The following ARHGAP25 variants were observed in gnomAD, a reference collection of about 807,000 sequenced individuals.
ARHGAP25 encodes rho GTPase-activating protein 25.
ARHGAP25 carries 34 observed loss-of-function variants against 71.0 expected under a neutral mutation model. The observed-to-expected ratio is 0.48, with a 90% CI of 0.36 to 0.64. The LOEUF is 0.64. Ranked by LOEUF, ARHGAP25 falls within the 30% of genes least tolerant of loss-of-function variation. The pLI is 0.00. For missense variants in ARHGAP25, 706 were observed against 805.1 expected, an observed-to-expected ratio of 0.88 and a Z score of 1.49; for synonymous variants, 282 against 296.5, an observed-to-expected ratio of 0.95 and a Z score of 0.50.
chr2:68,727,153 G>A (rs942388844), intron 2 of ARHGAP25, among the ~76,000 whole-genome samples: 1 of 152,154 alleles, frequency 6.6e-6, no homozygotes, highest in Non-Finnish European at 1.5e-5. Context: ...TGCTAAAAGC[G>A]TGGTTACTGG....
At chr2:68,814,937 T>C (rs1253477601) in intron 6 of ARHGAP25, among the ~76,000 whole-genome samples, 1 of 152,258 alleles carries the variant, frequency 6.6e-6, no homozygotes, top group African/African-American at 2.4e-5. Flanking sequence ...CTTATACTGG[T>C]ATATCTGCTC....
intron 9 of ARHGAP25, among the ~76,000 whole-genome samples, chr2:68,821,092 C>CTTTTTTTTTTTTTTT (rs34119311): frequency 7.1e-4 from 71 of 99,424 alleles, no homozygotes; most frequent in Non-Finnish European, 8.2e-4. Context: ...CTTTTTCTTT[C>CTTTTTTTTTTTTTTT]TTTTTTTTTT....
intron 1 of ARHGAP25, among the ~76,000 whole-genome samples, chr2:68,753,967 A>G (rs531756104): frequency 2.6e-4 from 39 of 151,396 alleles, no homozygotes; most frequent in Admixed American, 1.1e-3. Context: ...CAGTGGCCCA[A>G]TCTCGGCTCA....
upstream of ARHGAP25, among the ~76,000 whole-genome samples, chr2:68,731,943 A>G (rs1055267365): frequency 5.9e-5 from 9 of 152,088 alleles, no homozygotes; most frequent in African/African-American, 2.2e-4. Context: ...TGAGGTGGGG[A>G]AGCAGAAAAC....
intron 2 of ARHGAP25, among the ~76,000 whole-genome samples, chr2:68,714,918 C>A (rs778413756): frequency 7.2e-5 from 11 of 152,106 alleles, no homozygotes; most frequent in Non-Finnish European, 1.6e-4. Context: ...GGGCATATGA[C>A]AATAATAAAA....
At chr2:68,735,340 A>G (rs1675158009) in intron 1 of ARHGAP25, 80 bp downstream of exon 1, 1 of 1,412,304 alleles carries the variant, frequency 7.1e-7, no homozygotes, top group Non-Finnish European at 1.0e-6. Context: ...TGCAGGGAGC[A>G]TAGTCTACTT....
intron 2 of ARHGAP25, among the ~76,000 whole-genome samples, chr2:68,778,468 T>C (rs1678080730): frequency 2.0e-5 from 3 of 152,228 alleles, no homozygotes; most frequent in Non-Finnish European, 2.9e-5. Context: ...CAATTTCTAA[T>C]GTCTCTTTAA....
chr2:68,731,881 T>G (rs78138224), upstream of ARHGAP25, among the ~76,000 whole-genome samples: 4 of 152,214 alleles, frequency 2.6e-5, no homozygotes, highest in African/African-American at 9.6e-5. Context: ...GTTCACTTAA[T>G]TGTTCTTCTC....
intron 4 of ARHGAP25, among the ~76,000 whole-genome samples, chr2:68,791,027 C>T (rs1384902667): frequency 6.6e-6 from 1 of 152,190 alleles, no homozygotes; most frequent in Non-Finnish European, 1.5e-5. Context: ...GTTTCCTTCG[C>T]TGGGAATCCT....
upstream of ARHGAP25, among the ~76,000 whole-genome samples, chr2:68,732,219 C>T (rs1345159037): frequency 3.3e-5 from 5 of 152,164 alleles, no homozygotes; most frequent in East Asian, 9.6e-4. Context: ...GGGGAGTGTG[C>T]TTTCCATCTG....
At chr2:68,753,729 G>C (rs530811400) in intron 1 of ARHGAP25, among the ~76,000 whole-genome samples, 2 of 152,088 alleles carry the variant, frequency 1.3e-5, no homozygotes, top group Non-Finnish European at 2.9e-5. Context: ...TCAACAAGTC[G>C]CTGTAGAATA....
Position 68,822,324 on chromosome 2 carries a change from G to C in ARHGAP25, c.1201-16G>C. 2 of 1,606,658 alleles carry C rather than the reference G, an allele frequency of 1.2e-6. No homozygotes were observed. ...GTGAAAACCCCATGTGACATCCATG[G>C]CCATTTCTTTTCTAGACAAGCGACT... On this transcript the variant is annotated splice_polypyrimidine_tract_variant and intron_variant, in intron 9 of 10. Coordinates refer to ENST00000409202, the MANE Select transcript of ARHGAP25 (RefSeq NM_001007231.3).
chr2:68,821,416 T>C (rs142354375), intron 9 of ARHGAP25, among the ~76,000 whole-genome samples: 1 of 152,310 alleles, frequency 6.6e-6, no homozygotes, highest in East Asian at 1.9e-4. Context: ...TTCTTCATAC[T>C]ACAAAAGAAG....
rs561605830 is a variant in ARHGAP25 at position 68,769,964 on chromosome 2, C to T, written c.62-5257C>T. On this transcript the variant is annotated intron_variant, in intron 1 of 10. Coordinates refer to ENST00000409202, the MANE Select transcript of ARHGAP25 (RefSeq NM_001007231.3). ...CGTTTAGGAGGGAGATGCTGGGGGTCATCAGAGGCTTTTAGGCAGGAAGGT... is the reference window on the plus strand; with the variant it reads ...CGTTTAGGAGGGAGATGCTGGGGGTTATCAGAGGCTTTTAGGCAGGAAGGT... 2.0e-5 allele frequency among the ~76,000 whole-genome samples: 3 copies of T among 152,250 alleles called. No homozygotes were observed. The South Asian group carries it at 6.2e-4, about 32-fold the overall frequency.
chr2:68,773,982 C>T (rs921763946), intron 1 of ARHGAP25, among the ~76,000 whole-genome samples: 6 of 152,108 alleles, frequency 3.9e-5, no homozygotes, highest in African/African-American at 1.4e-4. Flanking sequence ...AATTTATCCA[C>T]CGTCAAAAAG....
intron 4 of ARHGAP25, among the ~76,000 whole-genome samples, chr2:68,793,560 A>G (rs1352669156): frequency 6.6e-6 from 1 of 152,026 alleles, no homozygotes; most frequent in Non-Finnish European, 1.5e-5. Context: ...GTTCTTATAG[A>G]CTTTGTCAAA....
rs566905148 is a variant in ARHGAP25, at chr2:68,751,047, C to T, written c.61+15787C>T. Among the ~76,000 whole-genome samples the T allele has an allele frequency of 4.7e-4, 72 of 152,300 alleles. 1 individual carries two copies. The South Asian group carries it at 0.013, about 28-fold the overall frequency. Reference sequence around the variant, plus strand: ...AAGCACGAATTACCTGTGGAGTATCCTAGAAGGACTTGTTTTTGGAATAAC... The same window carrying T: ...AAGCACGAATTACCTGTGGAGTATCTTAGAAGGACTTGTTTTTGGAATAAC... On this transcript the variant is annotated intron_variant, in intron 1 of 10. Coordinates refer to ENST00000409202, the MANE Select transcript of ARHGAP25 (RefSeq NM_001007231.3).
rs140270836 is a variant in ARHGAP25 at position 68,822,396 on chromosome 2, G to A, written c.1257G>A (p.Pro419=). ...GACAGCAGCCGAGCGATGCGTTTCC[G>A]GAGGACAGCAGCAAAGTACCCAGGG... The part of the protein sequence containing the change: ...PTGQQPSDAF[P]EDSSKVPREK... The change falls in exon 10 of 11, where the codon CCG becomes CCA. Residue 419 remains proline (P), a synonymous_variant. Transcript: ENST00000409202. 26 of 1,613,980 alleles carry A rather than the reference G, an allele frequency of 1.6e-5. No homozygotes were observed. The highest frequency in any genetic ancestry group is 4.0e-5 in the African/African-American group (3 of 74,892).
At chr2:68,787,694 G>A in intron 3 of ARHGAP25, 146 bp from the exon 4 acceptor site, 1 of 692,758 alleles carries the variant, frequency 1.4e-6, no homozygotes, top group South Asian at 1.6e-5. Context: ...GTTCCACTGA[G>A]GATAATTCGA....
Sources: gnomAD v4.1 joint callset for allele counts (sites outside exome capture counted in the v4.1 genomes callset) on GRCh38, gnomAD v4.1.1 for gene constraint, MANE v1.5 for transcripts, NCBI Gene and HGNC (gene_info 2026-07-23, HGNC 2026-07-21) for gene names.